Variants in ARID1B observed in about 807,000 individuals in gnomAD.
ARID1B encodes the protein AT-rich interaction domain 1B, also known as AT-rich interactive domain-containing protein 1B.
In ARID1B, 30 loss-of-function variants were observed where a neutral mutation model predicts 212.3. That is an observed-to-expected ratio of 0.14 (90% CI 0.11 to 0.19). ARID1B has a LOEUF of 0.19. Ranked by LOEUF, ARID1B falls within the 10% of genes least tolerant of loss-of-function variation. The probability of loss-of-function intolerance (pLI) is 1.00; values close to 1 mark genes in which losing one functional copy is unlikely to be tolerated. For synonymous variants in ARID1B, 1,402 were observed against 1,301.7 expected (o/e 1.08, Z -1.66); for missense variants, 2,891 against 3,204.0 (o/e 0.90, Z 2.36).
At chr6:157,191,145 G>T (rs1292202852) in intron 15 of ARID1B, among the ~76,000 whole-genome samples, 1 of 152,144 alleles carries the variant, frequency 6.6e-6, no homozygotes, top group Non-Finnish European at 1.5e-5. Context: ...CATCTCTGGA[G>T]AATGTACTGG....
At chr6:156,981,725 A>G (rs1312853499) in intron 4 of ARID1B, among the ~76,000 whole-genome samples, 6 of 152,184 alleles carry the variant, frequency 3.9e-5, no homozygotes, top group Non-Finnish European at 8.8e-5. Context: ...CTTGTTCACT[A>G]AGCTAAATAT....
intron 1 of ARID1B, among the ~76,000 whole-genome samples, chr6:156,808,841 G>A (rs1419643903): frequency 6.6e-6 from 1 of 152,056 alleles, no homozygotes; most frequent in Admixed American, 6.5e-5. Flanking sequence ...GTTTTTAGAG[G>A]CACTAAAATC....
chr6:156,945,629 T>G (rs1343814631), intron 4 of ARID1B, among the ~76,000 whole-genome samples: 3 of 152,170 alleles, frequency 2.0e-5, no homozygotes, highest in African/African-American at 7.2e-5. Flanking sequence ...GTAGTTGGTC[T>G]TTTGGAATTA....
chr6:157,084,230 G>A (rs1485770028), intron 4 of ARID1B, among the ~76,000 whole-genome samples: 1 of 149,790 alleles, frequency 6.7e-6, no homozygotes, highest in Non-Finnish European at 1.5e-5. Context: ...AATTCACGTA[G>A]TCCACCAGTG....
At chr6:157,188,375 A>G (rs146108550) in intron 13 of ARID1B, among the ~76,000 whole-genome samples, 208 of 152,266 alleles carry the variant, frequency 1.4e-3, no homozygotes, top group African/African-American at 4.0e-3. Context: ...GGCAGACCTC[A>G]TCTGGCTAGG....
At chr6:157,015,149 C>T (rs961045514) in intron 4 of ARID1B, among the ~76,000 whole-genome samples, 21 of 152,054 alleles carry the variant, frequency 1.4e-4, no homozygotes, top group African/African-American at 4.8e-4. Flanking sequence ...GGAACTGTGA[C>T]TTGAAGAATA....
intron 4 of ARID1B, among the ~76,000 whole-genome samples, chr6:156,998,499 A>G (rs1298077505): frequency 6.6e-6 from 1 of 152,216 alleles, no homozygotes; most frequent in Admixed American, 6.5e-5. Context: ...CTGGGATTAC[A>G]GGCGTGAGCC....
At chr6:157,022,176 G>A (rs1780350252) in intron 4 of ARID1B, 1 of 152,224 alleles carries the variant, frequency 6.6e-6, no homozygotes, top group South Asian at 2.0e-4. Flanking sequence ...GCGAGGTGGA[G>A]GGGCGGGGCC....
chr6:156,934,159 A>T lies in ARID1B; in HGVS notation c.2137-1307A>T, dbSNP rs182111781. ...AGGGAGATAATTTTATTTTAAAGCA[A>T]TATTTTCCATTCTTTTTTTCTCTTC... is the stretch of plus-strand genomic sequence containing the variant. On this transcript the variant is annotated intron_variant, in intron 3 of 19. Coordinates refer to ENST00000636930, the MANE Select transcript of ARID1B (RefSeq NM_001374828.1). 1.9e-3 allele frequency among the ~76,000 whole-genome samples: 292 copies of T among 152,332 alleles called. 2 individuals carry two copies. Among genetic ancestry groups the T allele is most frequent in the African/African-American group, 6.7e-3 (280 of 41,580 alleles).
At chr6:157,078,339 A>G (rs1172368872) in intron 4 of ARID1B, among the ~76,000 whole-genome samples, 1 of 152,194 alleles carries the variant, frequency 6.6e-6, no homozygotes, top group Admixed American at 6.5e-5. Flanking sequence ...GGGAAACGTT[A>G]CTTCCAGATG....
At chr6:156,906,125 C>T (rs983433534) in intron 3 of ARID1B, among the ~76,000 whole-genome samples, 2 of 152,086 alleles carry the variant, frequency 1.3e-5, no homozygotes, top group African/African-American at 2.4e-5. Context: ...TTAGATGACT[C>T]TTAAGAGGGA....
chr6:157,207,825 A>G lies in ARID1B; in HGVS notation c.7053A>G (p.Ser2351=), dbSNP rs550015240. The change falls in exon 20 of 20, where the codon TCA becomes TCG. Residue 2351 remains serine, a synonymous_variant. Coordinates refer to ENST00000636930, the MANE Select transcript of ARID1B (RefSeq NM_001374828.1). This position sits in a 1 kb window ranked among gnomAD's most constrained non-coding sequence, Gnocchi z 8.5. ...GCCGGTTGCTGGATATCTCGATATC[A>G]GCTGTCCTGAACTCTCTGGTTGCAT... ...HEGRLLDISI[S]AVLNSLVASV... 5.1e-5 allele frequency: 78 copies of G among 1,536,604 alleles called. 2 individuals are homozygous for G. The South Asian group carries it at 9.6e-4, about 19-fold the overall frequency.
intron 1 of ARID1B, among the ~76,000 whole-genome samples, chr6:156,782,614 G>A (rs1464612765): frequency 6.6e-6 from 1 of 152,146 alleles, no homozygotes; most frequent in Non-Finnish European, 1.5e-5. Context: ...GCTAGCATGC[G>A]AAGCAGGAAG....
intron 8 of ARID1B, among the ~76,000 whole-genome samples, chr6:157,163,439 T>C (rs1181734004): frequency 6.6e-6 from 1 of 152,190 alleles, no homozygotes; most frequent in Non-Finnish European, 1.5e-5. Flanking sequence ...GTGCGAGCCT[T>C]CTTTTGGTAT....
intron 4 of ARID1B, among the ~76,000 whole-genome samples, chr6:157,051,258 A>G (rs535851687): frequency 1.3e-3 from 204 of 152,348 alleles, no homozygotes; most frequent in African/African-American, 4.6e-3. Context: ...AAGCTGAACG[A>G]ACGGATGAAT....
chr6:157,109,501 A>C (rs1260088356), intron 5 of ARID1B, among the ~76,000 whole-genome samples: 1 of 152,206 alleles, frequency 6.6e-6, no homozygotes, highest in Non-Finnish European at 1.5e-5. Context: ...CATGGTCCTC[A>C]TGTCACGAGA....
chr6:156,934,915 TATATATATA>T (rs1562494663), intron 3 of ARID1B, among the ~76,000 whole-genome samples: 3,169 of 38,894 alleles, frequency 0.081, 169 homozygotes, highest in Middle Eastern at 0.19. Flanking sequence ...TTGTTAATTA[TATATATATA>T]TATATATATA....
intron 6 of ARID1B, among the ~76,000 whole-genome samples, chr6:157,117,602 C>A (rs144634029): frequency 6.6e-6 from 1 of 152,320 alleles, no homozygotes; most frequent in African/African-American, 2.4e-5. Context: ...TGCCAGGGAC[C>A]CCCATGTCGG....
intron 1 of ARID1B, among the ~76,000 whole-genome samples, chr6:156,799,383 G>A (rs558701451): frequency 1.3e-5 from 2 of 152,342 alleles, no homozygotes; most frequent in African/African-American, 4.8e-5. Context: ...AGGAGGGACT[G>A]GAATGAGTAG....
Sources: gnomAD v4.1 joint callset for allele counts (sites outside exome capture counted in the v4.1 genomes callset) on GRCh38, gnomAD v4.1.1 for gene constraint, Gnocchi (gnomAD v3.1) non-coding constraint, MANE v1.5 for transcripts, NCBI Gene and HGNC (gene_info 2026-07-23, HGNC 2026-07-21) for gene names.